Variants in DLG2 observed in about 807,000 individuals in gnomAD.
The protein encoded by DLG2 is disks large homolog 2.
DLG2 carries 45 observed loss-of-function variants against 132.5 expected under a neutral mutation model. The observed-to-expected ratio is 0.34, with a 90% confidence interval of 0.27 to 0.44. The LOEUF (loss-of-function observed/expected upper bound fraction) is 0.44, where lower values mean the gene tolerates loss of function less well. DLG2 is among the 20% of genes least tolerant of loss of function. The pLI, the probability that DLG2 is intolerant of heterozygous loss-of-function variation, is 1.00. For missense variants in DLG2, 1,045 were observed against 1,196.9 expected (o/e 0.87, Z 1.87); for synonymous variants, 424 against 419.6 (o/e 1.01, Z -0.13).
At chr11:84,704,515 T>G (rs2059578563) in intron 6 of DLG2, among the ~76,000 whole-genome samples, 1 of 151,404 alleles carries the variant, frequency 6.6e-6, no homozygotes, top group African/African-American at 2.4e-5. Context: ...ACAACAAATA[T>G]TAATAAGCAC....
chr11:83,691,014 G>C (rs2080895748), intron 18 of DLG2, among the ~76,000 whole-genome samples: 1 of 152,098 alleles, frequency 6.6e-6, no homozygotes. Flanking sequence ...TCTGGCCCTT[G>C]ACAAAACAAG....
At chr11:84,468,357 G>A (rs2099100007) in intron 7 of DLG2, among the ~76,000 whole-genome samples, 2 of 151,488 alleles carry the variant, frequency 1.3e-5, no homozygotes, top group Middle Eastern at 3.4e-3. Context: ...GAGGAAGAAA[G>A]GAATGCAAAT....
chr11:85,397,746 C>T (rs1043624573), intron 3 of DLG2, among the ~76,000 whole-genome samples: 4 of 152,082 alleles, frequency 2.6e-5, no homozygotes, highest in Admixed American at 6.6e-5. Context: ...AATATATATG[C>T]GCCCAATACA....
At chr11:83,544,602 A>G (rs1033021721) in intron 19 of DLG2, among the ~76,000 whole-genome samples, 1 of 152,058 alleles carries the variant, frequency 6.6e-6, no homozygotes, top group African/African-American at 2.4e-5. Flanking sequence ...TCATCCTGGG[A>G]GGTGGTGATG....
intron 7 of DLG2, among the ~76,000 whole-genome samples, chr11:84,446,708 G>C (rs569358954): frequency 2.0e-5 from 3 of 151,994 alleles, no homozygotes; most frequent in African/African-American, 7.2e-5. Flanking sequence ...TTTTTAAAAA[G>C]TCCTTTCACA....
chr11:83,891,176 T>C (rs376798712), intron 15 of DLG2, among the ~76,000 whole-genome samples: 1 of 151,850 alleles, frequency 6.6e-6, no homozygotes, highest in Non-Finnish European at 1.5e-5. Flanking sequence ...CCTAGAAAGG[T>C]TGTGATGGAA....
chr11:85,159,303 G>A (rs2077849433), intron 4 of DLG2, among the ~76,000 whole-genome samples: 1 of 152,184 alleles, frequency 6.6e-6, no homozygotes, highest in Non-Finnish European at 1.5e-5. Context: ...TGCAGTGCCA[G>A]AATGCATAAT....
chr11:85,310,308 T>C (rs946993760), intron 3 of DLG2, among the ~76,000 whole-genome samples: 2 of 152,178 alleles, frequency 1.3e-5, no homozygotes, highest in Admixed American at 6.5e-5. Flanking sequence ...GTCAGGAAGA[T>C]AGAAGAAGAA....
chr11:84,665,034 T>A (rs2099698483), intron 6 of DLG2, among the ~76,000 whole-genome samples: 1 of 152,052 alleles, frequency 6.6e-6, no homozygotes, highest in African/African-American at 2.4e-5. Context: ...TGTGCTGCCA[T>A]GAGAATCTTA....
chr11:84,363,424 G>A (rs1415675815), intron 7 of DLG2, among the ~76,000 whole-genome samples: 1 of 152,068 alleles, frequency 6.6e-6, no homozygotes, highest in East Asian at 1.9e-4. Context: ...TTTGTCAGAT[G>A]AGTAGGTTGT....
chr11:85,228,213 A>G (rs2075089177), intron 4 of DLG2, among the ~76,000 whole-genome samples: 1 of 152,114 alleles, frequency 6.6e-6, no homozygotes, highest in African/African-American at 2.4e-5. Flanking sequence ...ATGAAAATTT[A>G]TGGAATGACT....
chr11:84,082,967 A>G (rs2096925400), intron 10 of DLG2, among the ~76,000 whole-genome samples: 1 of 152,216 alleles, frequency 6.6e-6, no homozygotes, highest in Non-Finnish European at 1.5e-5. Context: ...TTCTCTTCAG[A>G]TTTAGCTATC....
intron 6 of DLG2, among the ~76,000 whole-genome samples, chr11:84,693,723 C>A (rs572209984): frequency 6.6e-6 from 1 of 151,574 alleles, no homozygotes; most frequent in Admixed American, 6.6e-5. Context: ...CCCAGGACTC[C>A]CCTTTATGAA....
intron 10 of DLG2, among the ~76,000 whole-genome samples, chr11:84,089,122 G>A (rs1432589746): frequency 1.3e-5 from 2 of 151,980 alleles, no homozygotes; most frequent in African/African-American, 2.4e-5. Context: ...AGTATGGAGA[G>A]GTACTCTAAG....
chr11:83,922,462 G>A (rs1429381562), intron 15 of DLG2, among the ~76,000 whole-genome samples: 1 of 152,136 alleles, frequency 6.6e-6, no homozygotes, highest in South Asian at 2.1e-4. Flanking sequence ...TGCCTTGTGA[G>A]TCATTCTCAG....
chr11:84,950,622 T>C (rs1024382797), intron 6 of DLG2, among the ~76,000 whole-genome samples: 2 of 152,088 alleles, frequency 1.3e-5, no homozygotes, highest in Admixed American at 1.3e-4. Flanking sequence ...TTATATAGGG[T>C]GAATAAAACA....
intron 4 of DLG2, among the ~76,000 whole-genome samples, chr11:85,166,974 G>A (rs1387253034): frequency 1.3e-5 from 2 of 151,988 alleles, no homozygotes; most frequent in Non-Finnish European, 2.9e-5. Flanking sequence ...GAGTAAATAA[G>A]TACTCAGTGG....
intron 18 of DLG2, among the ~76,000 whole-genome samples, chr11:83,693,303 G>C (rs73509237): frequency 6.6e-6 from 1 of 152,234 alleles, no homozygotes; most frequent in African/African-American, 2.4e-5. Context: ...CATTATTTTA[G>C]TACTGTTGAA....
intron 3 of DLG2, among the ~76,000 whole-genome samples, chr11:85,571,234 T>A (rs979955981): frequency 6.6e-6 from 1 of 152,326 alleles, no homozygotes; most frequent in African/African-American, 2.4e-5. Context: ...ACTTGTGAAA[T>A]GAGATTTTCT....
Sources: gnomAD v4.1 joint callset for allele counts (sites outside exome capture counted in the v4.1 genomes callset) on GRCh38, gnomAD v4.1.1 for gene constraint, MANE v1.5 for transcripts, NCBI Gene and HGNC (gene_info 2026-07-23, HGNC 2026-07-21) for gene names.